The following RERE variants were observed in gnomAD, a reference collection of about 807,000 sequenced individuals.
The protein encoded by RERE is arginine-glutamic acid dipeptide repeats.
In RERE, 40 loss-of-function variants were observed where a neutral mutation model predicts 146.1. The ratio of observed to expected loss-of-function variants is 0.27; its 90% CI spans 0.21 to 0.36. The LOEUF (loss-of-function observed/expected upper bound fraction) is 0.36. Among genes scored for constraint, RERE ranks in the 10% least tolerant of loss-of-function variants. The pLI, the probability that RERE is intolerant of heterozygous loss-of-function variation, is 1.00. For missense variants in RERE, 1,933 were observed against 2,138.7 expected (o/e 0.90, Z 1.90); for synonymous variants, 1,003 against 866.0 (o/e 1.16, Z -2.78).
chr1:8,741,342 C>G (rs1218442148), intron 1 of RERE, among the ~76,000 whole-genome samples: 1 of 152,190 alleles, frequency 6.6e-6, no homozygotes, highest in East Asian at 1.9e-4. Flanking sequence ...AAAGCAGACA[C>G]TCAGTATCAG....
At chr1:8,512,286 G>C (rs1450250628) in intron 7 of RERE, among the ~76,000 whole-genome samples, 3 of 151,510 alleles carry the variant, frequency 2.0e-5, no homozygotes, top group Non-Finnish European at 4.4e-5. Context: ...ACCCGCCTCG[G>C]CCTCCCAAAG....
In RERE at chr1:8,423,460, A is replaced by T; in HGVS notation, c.1204-653T>A. The T allele has an allele frequency of 2.3e-5, 19 of 838,038 alleles. No individual in the cohort carries two copies. The highest frequency in any genetic ancestry group is 2.6e-5 in the Non-Finnish European group (18 of 695,880). The allele number at this position is 838,038 out of a possible 1,614,324, so 51.9% of individuals were successfully genotyped here. A position where few individuals can be genotyped will look rare whatever the true frequency, so the allele number is the denominator to read the frequency against. On this transcript the variant is annotated intron_variant, in intron 11 of 22. Transcript: ENST00000400908. The surrounding 1 kb of genome is among the most constrained non-coding windows in gnomAD (Gnocchi z 5.4). ...CCGCCCCCATCCATTTTCGCAGCAG[A>T]CTCGTCCCTAACCCCAGCCCGGAGA...
rs753349783 is a variant in RERE at position 8,751,230 on chromosome 1, T to C, written c.-145+65930A>G. ...CATACTTATTCAAGCAGCCCCCATTTACAAACATCCACCAACCCTACCTCT... is the reference window on the plus strand; with the variant it reads ...CATACTTATTCAAGCAGCCCCCATTCACAAACATCCACCAACCCTACCTCT... On this transcript the variant is annotated intron_variant, in intron 1 of 22. Transcript: ENST00000400908. 1.4e-5 allele frequency: 3 copies of C among 211,816 alleles called. No individual in the cohort carries two copies. In the Admixed American group the frequency reaches 1.6e-4, roughly 11 times the overall value. 13.1% of individuals were successfully genotyped at this position (211,816 alleles called of 1,614,324 possible).
intron 2 of RERE, among the ~76,000 whole-genome samples, chr1:8,636,065 C>A (rs556275135): frequency 6.6e-6 from 1 of 151,998 alleles, no homozygotes; most frequent in Non-Finnish European, 1.5e-5. Flanking sequence ...CTCAGCTCAC[C>A]GCAACCTCCG....
chr1:8,613,136 T>C (rs948298038), intron 4 of RERE, among the ~76,000 whole-genome samples: 3 of 152,202 alleles, frequency 2.0e-5, no homozygotes, highest in Admixed American at 1.3e-4. Context: ...ATTTTCACCA[T>C]CTTTCCCCGT....
At chr1:8,500,192 C>G (rs967751768) in intron 8 of RERE, among the ~76,000 whole-genome samples, 7 of 152,148 alleles carry the variant, frequency 4.6e-5, no homozygotes, top group African/African-American at 7.2e-5. Context: ...GTCTTTGACA[C>G]TAGTACTGAG....
intron 1 of RERE, among the ~76,000 whole-genome samples, chr1:8,736,851 GAAA>G (rs34872965): frequency 8.3e-4 from 83 of 99,804 alleles, no homozygotes; most frequent in African/African-American, 2.4e-3. Context: ...AAGCAAGGGG[GAAA>G]AAAAAAAAAA....
chr1:8,660,233 AGC>A (rs1638423811), intron 1 of RERE, among the ~76,000 whole-genome samples: 1 of 152,180 alleles, frequency 6.6e-6, no homozygotes, highest in Non-Finnish European at 1.5e-5. Context: ...CTCTATGTTT[AGC>A]ATATGAATTA....
At chr1:8,726,102 T>C (rs1424589796) in intron 1 of RERE, among the ~76,000 whole-genome samples, 1 of 151,546 alleles carries the variant, frequency 6.6e-6, no homozygotes, top group East Asian at 1.9e-4. Flanking sequence ...CTCAACTCAA[T>C]TTAGTTGAGT....
At chr1:8,431,136 C>T (rs1644090345) in intron 11 of RERE, among the ~76,000 whole-genome samples, 1 of 152,164 alleles carries the variant, frequency 6.6e-6, no homozygotes, top group South Asian at 2.1e-4. Flanking sequence ...CTCCAGTCCC[C>T]AGGGTACAAA....
chr1:8,607,991 G>C (rs547213694), intron 4 of RERE, among the ~76,000 whole-genome samples: 1 of 152,078 alleles, frequency 6.6e-6, no homozygotes, highest in Non-Finnish European at 1.5e-5. Flanking sequence ...CTCCCAAAGC[G>C]CTGGGATTAT....
At chr1:8,497,316 A>G in intron 9 of RERE, 89 bp downstream of exon 9, 1 of 1,437,088 alleles carries the variant, frequency 7.0e-7, no homozygotes, top group Non-Finnish European at 9.6e-7. Flanking sequence ...ATATAGAAAT[A>G]AAATCTCAGG....
rs576908644 is a variant in RERE, at chr1:8,529,167, G to A, written c.830+12047C>T. On this transcript the variant is annotated intron_variant, in intron 7 of 22. Transcript: ENST00000400908. The stretch of plus-strand genomic sequence containing the variant: ...AAAAGATATATGGAGGTTCTTTCTT[G>A]TACTAGTCTCATAACTCCTCTTTGA... 2.6e-5 allele frequency among the ~76,000 whole-genome samples: 4 copies of A among 152,076 alleles called. No individual in the cohort carries two copies. The South Asian group carries it at 8.3e-4, about 32-fold the overall frequency.
intron 4 of RERE, among the ~76,000 whole-genome samples, chr1:8,596,589 C>T (rs542042934): frequency 6.6e-6 from 1 of 152,006 alleles, no homozygotes; most frequent in South Asian, 2.1e-4. Flanking sequence ...CTCACTATAA[C>T]CTGGACCTCC....
intron 4 of RERE, among the ~76,000 whole-genome samples, chr1:8,597,402 A>T (rs1646567611): frequency 6.6e-6 from 1 of 152,136 alleles, no homozygotes; most frequent in Non-Finnish European, 1.5e-5. Context: ...CCTGATGCTA[A>T]TTTTTAAATG....
chr1:8,767,037 G>A (rs548941174), intron 1 of RERE, among the ~76,000 whole-genome samples: 2 of 152,178 alleles, frequency 1.3e-5, no homozygotes, highest in African/African-American at 4.8e-5. Flanking sequence ...TTAATGAATA[G>A]ACTAATATGA....
At chr1:8,451,886 G>A (rs894979225) in intron 11 of RERE, among the ~76,000 whole-genome samples, 1 of 152,090 alleles carries the variant, frequency 6.6e-6, no homozygotes, top group South Asian at 2.1e-4. Flanking sequence ...TGGTCTTCAA[G>A]GGCAGCTCCA....
chr1:8,395,174 C>T (rs146827973), intron 12 of RERE, among the ~76,000 whole-genome samples: 2 of 152,010 alleles, frequency 1.3e-5, no homozygotes, highest in East Asian at 1.9e-4. Context: ...ATAATAATAC[C>T]AAAGAATGAG....
chr1:8,366,942 C>A (rs880320), intron 12 of RERE, among the ~76,000 whole-genome samples: 96,331 of 134,782 alleles, frequency 0.71, 34,285 homozygotes, highest in East Asian at 0.91. Flanking sequence ...AAAAAAAAAA[C>A]CCAAAAAACA....
Sources: allele counts gnomAD v4.1 joint callset (sites outside exome capture counted in the v4.1 genomes callset), GRCh38; gene constraint gnomAD v4.1.1; non-coding constraint Gnocchi (gnomAD v3.1); transcripts MANE v1.5; gene names NCBI Gene and HGNC (gene_info 2026-07-23, HGNC 2026-07-21).